The following FSHR variants were observed in gnomAD, a reference collection of about 807,000 sequenced individuals.
The protein encoded by FSHR is follicle-stimulating hormone receptor.
In FSHR, 46 loss-of-function variants were observed where a neutral mutation model predicts 52.1. That is an observed-to-expected ratio of 0.88 (90% CI 0.70 to 1.13). The LOEUF (loss-of-function observed/expected upper bound fraction) is 1.13. FSHR is among the 50% of genes most tolerant of loss of function. The pLI is 0.00. For synonymous variants in FSHR, 399 were observed against 309.6 expected (o/e 1.29, Z -3.03); for missense variants, 964 against 834.6 (o/e 1.16, Z -1.91).
Position 48,968,672 on chromosome 2 carries a change from G to C in FSHR, c.854+26C>G, listed in dbSNP as rs1468721795. 3 of 1,612,550 alleles carry C rather than the reference G, an allele frequency of 1.9e-6. No homozygotes were observed. In the East Asian group the frequency reaches 6.7e-5, roughly 36 times the overall value. On this transcript the variant is annotated intron_variant, in intron 9 of 9. Transcript: ENST00000406846. The stretch of plus-strand genomic sequence containing the variant: ...AAAGTTCTACATTGGGGAAATGCCT[G>C]AGCAGGGCTTAAAGGATGGACTCAC...
intron 4 of FSHR, among the ~76,000 whole-genome samples, chr2:49,014,495 C>T (rs544754883): frequency 2.0e-5 from 3 of 152,192 alleles, no homozygotes; most frequent in African/African-American, 7.2e-5. Context: ...CTCTCCCTTC[C>T]TCTGTCTGGA....
chr2:49,015,905 A>G (rs538760279), intron 4 of FSHR, among the ~76,000 whole-genome samples: 4 of 152,334 alleles, frequency 2.6e-5, no homozygotes, highest in African/African-American at 7.2e-5. Flanking sequence ...ACAAAGCCCT[A>G]TACAACTGCA....
At chr2:49,072,756 T>G (rs977660969) in intron 1 of FSHR, among the ~76,000 whole-genome samples, 1 of 152,168 alleles carries the variant, frequency 6.6e-6, no homozygotes. Context: ...AGCTTTCTAC[T>G]AGTAGCAAAA....
chr2:49,075,989 A>G (rs1299963516), intron 1 of FSHR, among the ~76,000 whole-genome samples: 2 of 152,220 alleles, frequency 1.3e-5, no homozygotes, highest in Non-Finnish European at 1.5e-5. Flanking sequence ...TTACAGAAAT[A>G]TATGCTTACA....
chr2:49,117,946 T>G (rs527470971), intron 1 of FSHR, among the ~76,000 whole-genome samples: 1 of 152,248 alleles, frequency 6.6e-6, no homozygotes, highest in African/African-American at 2.4e-5. Flanking sequence ...TTTAGGGAAT[T>G]ATAAAGGAGC....
chr2:49,036,992 A>G (rs369204695), intron 2 of FSHR, among the ~76,000 whole-genome samples: 2 of 152,258 alleles, frequency 1.3e-5, no homozygotes, highest in East Asian at 1.9e-4. Flanking sequence ...TTTAATTAGC[A>G]TAATGGCTGG....
chr2:49,087,319 A>G (rs1670438027), intron 1 of FSHR, among the ~76,000 whole-genome samples: 1 of 152,052 alleles, frequency 6.6e-6, no homozygotes, highest in African/African-American at 2.4e-5. Flanking sequence ...ATATAACAGT[A>G]AAGAAGAAGA....
chr2:49,039,213 C>G (rs564784073), intron 2 of FSHR, among the ~76,000 whole-genome samples: 2 of 152,298 alleles, frequency 1.3e-5, no homozygotes, highest in South Asian at 4.1e-4. Context: ...CTGCAGGTCA[C>G]TCTAGGGACC....
chr2:48,985,387 C>G (rs1464547754), intron 6 of FSHR, among the ~76,000 whole-genome samples: 1 of 151,514 alleles, frequency 6.6e-6, no homozygotes, highest in Non-Finnish European at 1.5e-5. Flanking sequence ...GCAGGTCTCT[C>G]CTGAGGCCCG....
At position 49,038,656 on chromosome 2, in the gene FSHR, T is replaced by A. The variant is rs377096576; in HGVS notation, c.225-18496A>T. Among the ~76,000 whole-genome samples the A allele has an allele frequency of 6.4e-3, 905 of 140,784 alleles. 60 individuals are homozygous for A. Among genetic ancestry groups the A allele is most frequent in the Middle Eastern group, 0.023 (6 of 266 alleles). The allele number at this position is 140,784 out of a possible 152,430, so 92.4% of individuals were successfully genotyped here. On this transcript the variant is annotated intron_variant, in intron 2 of 9. Transcript: ENST00000406846. ...ATAATAATAATAATAATAATAATAA[T>A]AATAATAATAATAATACTGGTTTAG...
At chr2:49,137,464 A>G (rs146788116) in intron 1 of FSHR, among the ~76,000 whole-genome samples, 2 of 152,226 alleles carry the variant, frequency 1.3e-5, no homozygotes, top group Middle Eastern at 3.4e-3. Context: ...ATCCCAGCTG[A>G]TTTCTTTGAA....
At chr2:49,072,627 G>T (rs925444681) in intron 1 of FSHR, among the ~76,000 whole-genome samples, 1 of 152,064 alleles carries the variant, frequency 6.6e-6, no homozygotes, top group East Asian at 1.9e-4. Flanking sequence ...GTTTGAGAAG[G>T]TAAACACTAA....
chr2:49,103,574 A>G (rs888252836), intron 1 of FSHR, among the ~76,000 whole-genome samples: 1 of 152,138 alleles, frequency 6.6e-6, no homozygotes. Flanking sequence ...GTCAAAGGGC[A>G]CATTCTGAGA....
intron 1 of FSHR, among the ~76,000 whole-genome samples, chr2:49,103,911 G>C (rs868814971): frequency 2.6e-5 from 4 of 151,642 alleles, no homozygotes; most frequent in South Asian, 2.1e-4. Flanking sequence ...AGTGTGCCTT[G>C]CTGCCCCATT....
At chr2:49,032,610 T>C (rs1172913020) in intron 2 of FSHR, among the ~76,000 whole-genome samples, 3 of 152,212 alleles carry the variant, frequency 2.0e-5, no homozygotes, top group Non-Finnish European at 4.4e-5. Context: ...AAGTGATCAC[T>C]GATGGGCGAA....
intron 4 of FSHR, among the ~76,000 whole-genome samples, chr2:48,990,980 C>T (rs1042265394): frequency 6.6e-6 from 1 of 152,056 alleles, no homozygotes; most frequent in African/African-American, 2.4e-5. Context: ...CTATTTCCAA[C>T]CTCATCATAC....
chr2:49,007,590 G>A, intron 4 of FSHR, among the ~76,000 whole-genome samples: 1 of 152,028 alleles, frequency 6.6e-6, no homozygotes, highest in East Asian at 1.9e-4. Context: ...ATATGTCAGG[G>A]GTTCTGTAAG....
At chr2:48,980,343 G>A (rs1317143968) in intron 8 of FSHR, among the ~76,000 whole-genome samples, 1 of 152,182 alleles carries the variant, frequency 6.6e-6, no homozygotes, top group African/African-American at 2.4e-5. Flanking sequence ...GTGTTCCTGT[G>A]GTAAGAAGGA....
intron 6 of FSHR, among the ~76,000 whole-genome samples, chr2:48,984,368 A>G (rs1410073718): frequency 2.0e-5 from 3 of 152,180 alleles, no homozygotes; most frequent in Non-Finnish European, 4.4e-5. Context: ...CTGTTGCAGG[A>G]TAGTGGGAGT....
Sources: allele counts gnomAD v4.1 joint callset (sites outside exome capture counted in the v4.1 genomes callset), GRCh38; gene constraint gnomAD v4.1.1; transcripts MANE v1.5; gene names NCBI Gene and HGNC (gene_info 2026-07-23, HGNC 2026-07-21).